Variants in CSMD1 observed in about 807,000 individuals in gnomAD.
The protein encoded by CSMD1 is CUB and Sushi multiple domains 1, also known as CUB and sushi domain-containing protein 1.
A neutral mutation model predicts 417.5 loss-of-function variants in CSMD1; 213 were observed. That is an observed-to-expected ratio of 0.51 (90% CI 0.46 to 0.57). The LOEUF (loss-of-function observed/expected upper bound fraction) is 0.57. CSMD1 is among the 20% of genes least tolerant of loss of function. The pLI, the probability that CSMD1 is intolerant of heterozygous loss-of-function variation, is 0.00. For missense variants in CSMD1, 6,923 were observed against 4,529.7 expected, an observed-to-expected ratio of 1.53 and a Z score of -15.17; for synonymous variants, 2,862 against 1,736.8, an observed-to-expected ratio of 1.65 and a Z score of -16.11.
intron 7 of CSMD1, among the ~76,000 whole-genome samples, chr8:3,638,203 T>TG (rs2117297031): frequency 6.6e-6 from 1 of 152,322 alleles, no homozygotes; most frequent in Admixed American, 6.5e-5. Flanking sequence ...CAGCAAGTCT[T>TG]GGAGTTCAGA....
intron 1 of CSMD1, among the ~76,000 whole-genome samples, chr8:4,716,042 A>G (rs1252518593): frequency 6.6e-6 from 1 of 152,174 alleles, no homozygotes; most frequent in African/African-American, 2.4e-5. Context: ...AAGCCAACCA[A>G]TAGTAAGGGA....
chr8:2,989,978 G>T (rs616625), intron 54 of CSMD1, among the ~76,000 whole-genome samples: 16,939 of 152,164 alleles, frequency 0.11, 2,411 homozygotes, highest in African/African-American at 0.33. Flanking sequence ...CAACAAATGT[G>T]GCATTGCATG....
chr8:3,822,103 G>C (rs560855910), intron 5 of CSMD1, among the ~76,000 whole-genome samples: 2 of 151,682 alleles, frequency 1.3e-5, no homozygotes, highest in African/African-American at 2.4e-5. Flanking sequence ...TTTTGTCTCC[G>C]ATTTTTCTGG....
chr8:3,238,095 C>G (rs1262024405), intron 26 of CSMD1, among the ~76,000 whole-genome samples: 2 of 151,622 alleles, frequency 1.3e-5, no homozygotes, highest in Admixed American at 6.6e-5. Context: ...AAGAGAGTCA[C>G]CGAAGGGAGA....
intron 5 of CSMD1, among the ~76,000 whole-genome samples, chr8:3,823,030 G>C (rs1377055254): frequency 3.3e-5 from 5 of 152,094 alleles, no homozygotes; most frequent in South Asian, 2.1e-4. Context: ...ACATAATTCG[G>C]CATCAGTAGT....
At chr8:3,945,753 T>G (rs1211780711) in intron 5 of CSMD1, among the ~76,000 whole-genome samples, 1 of 152,026 alleles carries the variant, frequency 6.6e-6, no homozygotes, top group African/African-American at 2.4e-5. Flanking sequence ...AACCAAGAAA[T>G]GGGCTGGAAC....
At chr8:4,062,001 G>C (rs910217071) in intron 3 of CSMD1, among the ~76,000 whole-genome samples, 5 of 152,098 alleles carry the variant, frequency 3.3e-5, no homozygotes, top group Admixed American at 6.6e-5. Flanking sequence ...TGTCTGAGAG[G>C]TCAAGGTGTA....
intron 1 of CSMD1, among the ~76,000 whole-genome samples, chr8:4,909,209 G>C (rs537743911): frequency 1.3e-5 from 2 of 152,172 alleles, no homozygotes; most frequent in Non-Finnish European, 2.9e-5. Context: ...GCCTGTTGCT[G>C]TGGTAGTGAG....
chr8:4,520,685 C>A (rs1424309162), intron 2 of CSMD1, among the ~76,000 whole-genome samples: 2 of 152,078 alleles, frequency 1.3e-5, no homozygotes, highest in Non-Finnish European at 2.9e-5. Context: ...TTCTGAAAGT[C>A]TTGTTTGTAT....
chr8:4,213,916 C>G (rs890000), intron 3 of CSMD1, among the ~76,000 whole-genome samples: 107,256 of 152,170 alleles, frequency 0.7, 38,255 homozygotes, highest in African/African-American at 0.81. Flanking sequence ...GGAGGGATGA[C>G]TCATTAATTA....
chr8:4,279,563 G>A (rs970456748), intron 3 of CSMD1, among the ~76,000 whole-genome samples: 1 of 152,152 alleles, frequency 6.6e-6, no homozygotes, highest in Non-Finnish European at 1.5e-5. Context: ...CTAATACACT[G>A]ATTCTGCAGA....
chr8:3,715,216 C>T (rs2129042494), intron 6 of CSMD1, among the ~76,000 whole-genome samples: 1 of 152,214 alleles, frequency 6.6e-6, no homozygotes, highest in African/African-American at 2.4e-5. Context: ...CACCCTAAGA[C>T]CCATTAAATT....
intron 2 of CSMD1, among the ~76,000 whole-genome samples, chr8:4,573,833 A>C (rs1159934076): frequency 6.6e-6 from 1 of 152,166 alleles, no homozygotes; most frequent in East Asian, 1.9e-4. Context: ...GGGAGGAGGA[A>C]TCTAGAGAAG....
chr8:4,462,629 G>C (rs537232879), intron 2 of CSMD1, among the ~76,000 whole-genome samples: 9 of 152,268 alleles, frequency 5.9e-5, no homozygotes, highest in East Asian at 3.9e-4. Flanking sequence ...CATTATGCTT[G>C]CATTAGACAC....
At chr8:3,349,127 T>A (rs1476182503) in intron 21 of CSMD1, among the ~76,000 whole-genome samples, 2 of 152,194 alleles carry the variant, frequency 1.3e-5, no homozygotes, top group East Asian at 3.8e-4. Context: ...AGAATAATTG[T>A]CAGGTTGGAA....
intron 10 of CSMD1, among the ~76,000 whole-genome samples, chr8:3,517,014 T>C (rs897480886): frequency 2.0e-5 from 3 of 152,128 alleles, no homozygotes; most frequent in South Asian, 2.1e-4. Flanking sequence ...TTAGGTGTCA[T>C]GGTGAGCAAA....
At chr8:3,620,162 A>T (rs565432835) in intron 7 of CSMD1, among the ~76,000 whole-genome samples, 40 of 152,172 alleles carry the variant, frequency 2.6e-4, no homozygotes, top group Non-Finnish European at 5.1e-4. Context: ...TTGCTGAAAA[A>T]ATGTCAGCTG....
At chr8:3,389,422 G>C (rs1345897088) in intron 17 of CSMD1, among the ~76,000 whole-genome samples, 1 of 152,034 alleles carries the variant, frequency 6.6e-6, no homozygotes, top group Non-Finnish European at 1.5e-5. Flanking sequence ...CCAGCTCCTA[G>C]CATCAAGATC....
At chr8:3,458,440 T>G (rs912299219) in intron 12 of CSMD1, among the ~76,000 whole-genome samples, 1 of 152,206 alleles carries the variant, frequency 6.6e-6, no homozygotes, top group African/African-American at 2.4e-5. Flanking sequence ...TTCTTAAAGT[T>G]AAGACTGTCC....
Sources: gnomAD v4.1 joint callset for allele counts (sites outside exome capture counted in the v4.1 genomes callset) on GRCh38, gnomAD v4.1.1 for gene constraint, MANE v1.5 for transcripts, NCBI Gene and HGNC (gene_info 2026-07-23, HGNC 2026-07-21) for gene names.